The following EHBP1L1 variants were observed in gnomAD, a reference collection of about 807,000 sequenced individuals.
EHBP1L1 encodes EH domain binding protein 1 like 1.
Under a neutral mutation model 151.1 loss-of-function variants are expected in EHBP1L1, and 122 were observed. The ratio of observed to expected loss-of-function variants is 0.81; its 90% CI spans 0.70 to 0.94. EHBP1L1 has a LOEUF of 0.94. EHBP1L1 is among the 40% of genes least tolerant of loss of function. The probability of loss-of-function intolerance (pLI) is 0.00; values close to 1 mark genes in which losing one functional copy is unlikely to be tolerated. For missense variants in EHBP1L1, 1,941 were observed against 1,959.8 expected (o/e 0.99, Z 0.18); for synonymous variants, 878 against 810.1 (o/e 1.08, Z -1.42).
Position 65,585,078 on chromosome 11 carries a change from C to T in EHBP1L1, c.3420C>T (p.Phe1140=). 2 of 1,540,880 alleles carry T rather than the reference C, an allele frequency of 1.3e-6. No homozygotes were observed. Among genetic ancestry groups the T allele is most frequent in the Non-Finnish European group, 1.7e-6 (2 of 1,151,590 alleles). Reference sequence around the variant, plus strand: ...CGTACCTGTGCCAGATCCGCGCCTTCTGCACCGGGCAGGAGCTGCAGCTGG... The same window carrying T: ...CGTACCTGTGCCAGATCCGCGCCTTTTGCACCGGGCAGGAGCTGCAGCTGG... The part of the protein sequence containing the change: ...VMTYLCQIRA[F]CTGQELQLVQ... Residue 1140 remains phenylalanine, a synonymous_variant, in exon 12 of 19, where the codon TTC becomes TTT. Transcript: ENST00000309295. This position sits in a 1 kb window ranked among gnomAD's most constrained non-coding sequence, Gnocchi z 4.0.
Position 65,583,102 on chromosome 11 carries a change from G to A in EHBP1L1, c.2430G>A (p.Ala810=), listed in dbSNP as rs371915123. The change falls in exon 9 of 19, where the codon GCG becomes GCA. Residue 810 remains alanine (A), a synonymous_variant. Transcript: ENST00000309295. The stretch of plus-strand genomic sequence containing the variant: ...GGGGTTCAGAGGTTCCAGAGATAGC[G>A]ACTGGGACAGCAGAAACTGAGATAT... ...EVGGSEVPEI[A]TGTAETEILG... 11 of 1,613,280 alleles carry A rather than the reference G, an allele frequency of 6.8e-6. No individual in the cohort carries two copies. In the African/African-American group the frequency reaches 9.4e-5, roughly 14 times the overall value.
chr11:65,585,716 G>A lies in EHBP1L1; in HGVS notation c.3933+125G>A. On this transcript the variant is annotated intron_variant, in intron 12 of 18. Coordinates refer to ENST00000309295, the MANE Select transcript of EHBP1L1 (RefSeq NM_001099409.3). The surrounding 1 kb of genome is among the most constrained non-coding windows in gnomAD (Gnocchi z 4.0). ...CTGGCGCGAGGGTGACGGTTTCAGAGTGGCGGGGCTCGGCTGGACCCAGGA... is the reference window on the plus strand; with the variant it reads ...CTGGCGCGAGGGTGACGGTTTCAGAATGGCGGGGCTCGGCTGGACCCAGGA... 6.9e-7 allele frequency: 1 copy of A among 1,439,832 alleles called. No homozygotes were observed. The highest frequency in any genetic ancestry group is 9.3e-7 in the Non-Finnish European group (1 of 1,079,564). 89.2% of individuals were successfully genotyped at this position (1,439,832 alleles called of 1,614,324 possible). A position where few individuals can be genotyped will look rare whatever the true frequency, so the allele number is the denominator to read the frequency against.
Position 65,581,635 on chromosome 11 carries a change from A to C in EHBP1L1, c.963A>C (p.Glu321Asp), listed in dbSNP as rs1217360873. 6.4e-7 allele frequency: 1 copy of C among 1,552,378 alleles called. No individual in the cohort carries two copies. Among genetic ancestry groups the C allele is most frequent in the Non-Finnish European group, 8.7e-7 (1 of 1,148,154 alleles). The change falls in exon 9 of 19, where the codon GAA (glutamate) becomes GAC (aspartate). Residue 321 changes from glutamate (E) to aspartate (D), a missense_variant. Transcript: ENST00000309295. ...TCCGGCCCCCAGTCCCCCAGGGGGA[A>C]GATGAGGTCCCCAAAGCCTCAGGGG... ...DALRPPVPQGEDEVPKASGAP... is the reference protein window; with the variant it reads ...DALRPPVPQGDDEVPKASGAP...
At position 65,584,311 on chromosome 11, in the gene EHBP1L1, G is replaced by T; in HGVS notation, c.3164G>T (p.Arg1055Leu). 1 of 1,611,456 alleles carries T rather than the reference G, an allele frequency of 6.2e-7. No homozygotes were observed. Among genetic ancestry groups the T allele is most frequent in the Non-Finnish European group, 8.5e-7 (1 of 1,178,760 alleles). The change falls in exon 10 of 19, where the codon CGT becomes CTT. Residue 1055 changes from arginine (R) to leucine (L), a missense_variant. Arg to Leu is a moderately radical substitution (Grantham distance 102). Transcript: ENST00000309295. ...EWCQEVTTGY[R>L]GVRITNFTTS... ...TGCCAGGAAGTCACCACTGGCTACCGTGGCGTCCGCATCACCAACTTCACC... is the reference window on the plus strand; with the variant it reads ...TGCCAGGAAGTCACCACTGGCTACCTTGGCGTCCGCATCACCAACTTCACC...
rs1282168194 is a variant in EHBP1L1, at chr11:65,585,523, C to T, written c.3865C>T (p.Arg1289Trp). The change falls in exon 12 of 19, where the codon CGG becomes TGG. Residue 1289 changes from arginine (R) to tryptophan (W), a missense_variant. Transcript: ENST00000309295. The surrounding 1 kb of genome is among the most constrained non-coding windows in gnomAD (Gnocchi z 4.0). ...GGACCTGCTCAAGAAGAGGCGCTCG[C>T]GGCTGCGGAACAGCAGCTCGTTCTC... ...DADLLKKRRSRLRNSSSFSMD... is the reference protein window; with the variant it reads ...DADLLKKRRSWLRNSSSFSMD... The T allele has an allele frequency of 3.2e-6, 5 of 1,571,724 alleles. No individual in the cohort carries two copies. Among genetic ancestry groups the T allele is most frequent in the South Asian group, 1.2e-5 (1 of 86,884 alleles).
At chr11:65,591,508 T>A (rs2135335780) in intron 16 of EHBP1L1, 1 of 537,132 alleles carries the variant, frequency 1.9e-6, no homozygotes. Flanking sequence ...TCAGAATAAC[T>A]GTAGCCAGTG....
rs990059368 is a variant in EHBP1L1 at position 65,584,985 on chromosome 11, C to T, written c.3327C>T (p.Gly1109=). The T allele has an allele frequency of 6.5e-7, 1 of 1,534,142 alleles. No homozygotes were observed. The change falls in exon 12 of 19, where the codon GGC becomes GGT. Residue 1109 remains glycine (G), a synonymous_variant. Transcript: ENST00000309295. ...CCTTCGATGGCTTCGCGGCTCTGGG[C>T]GTGTCGCGGCTGCTGGAGCCCGCGG... ...KQAFDGFAAL[G]VSRLLEPADM... is the part of the protein sequence containing the mutation.
chr11:65,577,516 G>C (rs77116605), intron 1 of EHBP1L1, among the ~76,000 whole-genome samples: 22 of 152,186 alleles, frequency 1.4e-4, no homozygotes, highest in Middle Eastern at 3.2e-3. Flanking sequence ...TGAGGGTGCC[G>C]GCAGTGTCAA....
chr11:65,578,634 T>A (rs1838722281), intron 1 of EHBP1L1, among the ~76,000 whole-genome samples: 1 of 152,244 alleles, frequency 6.6e-6, no homozygotes, highest in Non-Finnish European at 1.5e-5. Context: ...GGGTTTATGG[T>A]GGGCGCTCCA....
chr11:65,590,168 G>A lies in EHBP1L1; in HGVS notation c.4141G>A (p.Ala1381Thr). 6.2e-7 allele frequency: 1 copy of A among 1,613,766 alleles called. No homozygotes were observed. Among genetic ancestry groups the A allele is most frequent in the Non-Finnish European group, 8.5e-7 (1 of 1,179,804 alleles). ...EQEQRQIDGRAAEVEMQLRSL... is the reference protein window; with the variant it reads ...EQEQRQIDGRTAEVEMQLRSL... ...GGAGCAGAGGCAGATAGATGGGCGG[G>A]CGGCTGAGGTGGAGATGCAGCTGAG... Residue 1381 changes from alanine (A) to threonine (T), a missense_variant, in exon 15 of 19, where the codon GCG (alanine) becomes ACG (threonine). Ala to Thr is a moderately conservative substitution (Grantham distance 58). Coordinates refer to ENST00000309295, the MANE Select transcript of EHBP1L1 (RefSeq NM_001099409.3).
chr11:65,578,784 T>C (rs943611025), intron 1 of EHBP1L1, among the ~76,000 whole-genome samples: 1 of 152,256 alleles, frequency 6.6e-6, no homozygotes, highest in Admixed American at 6.5e-5. Context: ...CTGTGTGTCT[T>C]GGTCTCTGTA....
Position 65,579,412 on chromosome 11 carries a change from G to A in EHBP1L1, c.234G>A (p.Val78=). The A allele has an allele frequency of 1.3e-6, 2 of 1,565,362 alleles. No homozygotes were observed. The highest frequency in any genetic ancestry group is 1.7e-6 in the Non-Finnish European group (2 of 1,154,464). ...TGGTGTGGATGGTACCTGAGAATGTGGACATCTCTGTGACCCTCTACAGGG... is the reference window on the plus strand; with the variant it reads ...TGGTGTGGATGGTACCTGAGAATGTAGACATCTCTGTGACCCTCTACAGGG... ...GTVVWMVPEN[V]DISVTLYRDP... The change falls in exon 3 of 19, where the codon GTG becomes GTA. Residue 78 remains valine, a synonymous_variant. Transcript: ENST00000309295.
In EHBP1L1 at chr11:65,584,274, C is replaced by T; in HGVS notation, c.3127C>T (p.Leu1043=). ...PPALVSSSQS[L]LEWCQEVTTG... ...TGCCCTGGTCAGCTCCAGCCAGTCC[C>T]TGCTGGAGTGGTGCCAGGAAGTCAC... Residue 1043 remains leucine (L), a synonymous_variant, in exon 10 of 19, where the codon CTG becomes TTG. Transcript: ENST00000309295. 1.9e-6 allele frequency: 3 copies of T among 1,611,858 alleles called. No homozygotes were observed. Among genetic ancestry groups the T allele is most frequent in the Non-Finnish European group, 2.5e-6 (3 of 1,179,160 alleles).
At chr11:65,588,867 C>G (rs1351932861) in intron 12 of EHBP1L1, among the ~76,000 whole-genome samples, 1 of 152,196 alleles carries the variant, frequency 6.6e-6, no homozygotes, top group Non-Finnish European at 1.5e-5. Flanking sequence ...ACTGAAAAGG[C>G]AGCAGGGCAC....
In EHBP1L1 at chr11:65,581,340, C is replaced by G; in HGVS notation, c.833C>G (p.Ala278Gly). The change falls in exon 8 of 19, where the codon GCC becomes GGC. Residue 278 changes from alanine (A) to glycine (G), a missense_variant. Physicochemically the swap from Ala to Gly is moderately conservative, Grantham distance 60 (BLOSUM62 0). Coordinates refer to ENST00000309295, the MANE Select transcript of EHBP1L1 (RefSeq NM_001099409.3). ...GCGGGGGGCCAGGTAGGCCCTGAGG[C>G]CCCAAGGCCCCCGGAAACCTCACCA... ...NEAGGQVGPE[A>G]PRPPETSPEM... is the part of the protein sequence containing the mutation. 6.3e-7 allele frequency: 1 copy of G among 1,588,788 alleles called. No individual in the cohort carries two copies. Among genetic ancestry groups the G allele is most frequent in the Non-Finnish European group, 8.5e-7 (1 of 1,170,616 alleles).
chr11:65,583,788 G>A, intron 9 of EHBP1L1, 23 bp downstream of exon 9: 3 of 1,455,814 alleles, frequency 2.1e-6, no homozygotes, highest in Middle Eastern at 2.5e-4. Flanking sequence ...GCCGCCGAGG[G>A]CCCAGTCTGC....
intron 12 of EHBP1L1, 127 bp from the exon 13 acceptor site, chr11:65,589,623 AG>A: frequency 1.4e-6 from 2 of 1,386,776 alleles, no homozygotes; most frequent in Non-Finnish European, 1.9e-6. Context: ...GGACTAGAGG[AG>A]GGGCAGGGGC....
chr11:65,581,529 C>G lies in EHBP1L1; in HGVS notation c.867-10C>G, dbSNP rs936450057. On this transcript the variant is annotated splice_polypyrimidine_tract_variant and intron_variant, in intron 8 of 18. Coordinates refer to ENST00000309295, the MANE Select transcript of EHBP1L1 (RefSeq NM_001099409.3). ...CAGCCCCCCAACTCCCCCTCCTGCT[C>G]TCTTCTCAGGTCTTCAAGGCAGCCA... The G allele has an allele frequency of 1.8e-5, 26 of 1,480,408 alleles. No homozygotes were observed. The Admixed American group carries it at 4.1e-4, about 23-fold the overall frequency. 91.7% of individuals were successfully genotyped at this position (1,480,408 alleles called of 1,614,324 possible). A position where few individuals can be genotyped will look rare whatever the true frequency, so the allele number is the denominator to read the frequency against.
intron 6 of EHBP1L1, 23 bp downstream of exon 6, chr11:65,580,502 A>G: frequency 6.2e-7 from 1 of 1,605,576 alleles, no homozygotes; most frequent in Non-Finnish European, 8.5e-7. Context: ...CCTGCTGTGG[A>G]TCGAGACTGC....
Sources: allele counts gnomAD v4.1 joint callset (sites outside exome capture counted in the v4.1 genomes callset), GRCh38; gene constraint gnomAD v4.1.1; non-coding constraint Gnocchi (gnomAD v3.1); transcripts MANE v1.5; gene names NCBI Gene and HGNC (gene_info 2026-07-23, HGNC 2026-07-21).